The following TRIM37 variants were observed in gnomAD, a reference collection of about 807,000 sequenced individuals.
TRIM37 encodes the protein tripartite motif containing 37.
Under a neutral mutation model 129.8 loss-of-function variants are expected in TRIM37, and 80 were observed. The ratio of observed to expected loss-of-function variants is 0.62; its 90% confidence interval spans 0.51 to 0.74. The LOEUF (loss-of-function observed/expected upper bound fraction) is 0.74. Among genes scored for constraint, TRIM37 ranks in the 30% least tolerant of loss-of-function variants. TRIM37 has a pLI of 0.00. For missense variants in TRIM37, 1,054 were observed against 1,176.5 expected (o/e 0.90, Z 1.52); for synonymous variants, 389 against 387.1 (o/e 1.00, Z -0.06).
intron 22 of TRIM37, among the ~76,000 whole-genome samples, chr17:59,008,568 A>G (rs770297315): frequency 6.6e-6 from 1 of 152,156 alleles, no homozygotes; most frequent in African/African-American, 2.4e-5. Flanking sequence ...ATTAGTGCTG[A>G]GATAATGTAA....
chr17:59,028,202 T>C (rs1324056776), intron 19 of TRIM37, among the ~76,000 whole-genome samples: 4 of 152,218 alleles, frequency 2.6e-5, no homozygotes, highest in Non-Finnish European at 4.4e-5. Flanking sequence ...GTCTTGTTTA[T>C]TGCCAAATAC....
intron 2 of TRIM37, among the ~76,000 whole-genome samples, chr17:59,098,547 C>G (rs944571631): frequency 1.3e-5 from 2 of 151,810 alleles, no homozygotes; most frequent in Admixed American, 1.3e-4. Context: ...CACTTGTGGT[C>G]CCAGCTACTC....
chr17:58,993,723 A>G (rs1209081895), downstream of TRIM37, among the ~76,000 whole-genome samples: 1 of 152,144 alleles, frequency 6.6e-6, no homozygotes. Context: ...CGGATACAAG[A>G]CATTTGTTGA....
chr17:58,982,888 C>CAG, exon 25 of TRIM37: 1 of 1,569,916 alleles, frequency 6.4e-7, no homozygotes, highest in Non-Finnish European at 8.7e-7. Flanking sequence ...CTTGTTAACC[C>CAG]ATCAGGTGCA....
intron 19 of TRIM37, among the ~76,000 whole-genome samples, chr17:59,024,735 T>A (rs749634497): frequency 2.0e-5 from 3 of 152,228 alleles, no homozygotes; most frequent in Non-Finnish European, 2.9e-5. Context: ...TCTTGCCATA[T>A]GATGTTGAAC....
At chr17:58,969,816 C>T in the TRIM37 span, 2 of 1,245,196 alleles carry the variant, frequency 1.6e-6, no homozygotes, top group Non-Finnish European at 1.1e-6. Flanking sequence ...TAGATTTTCT[C>T]TTTCTGGGCA....
At position 59,061,031 on chromosome 17, in the gene TRIM37, C is replaced by A; in HGVS notation, c.1019+1G>T. ...GGTTGTTATTTAATTACACTTCTTA[C>A]TTAGAAGTTTCAGGCAAGCCAGCTG... On this transcript the variant is annotated splice_donor_variant, in intron 12 of 23. Transcript: ENST00000262294. LOFTEE classifies it high-confidence loss of function. 6.2e-7 allele frequency: 1 copy of A among 1,610,404 alleles called. No homozygotes were observed. The highest frequency in any genetic ancestry group is 8.5e-7 in the Non-Finnish European group (1 of 1,176,920).
At chr17:58,985,798 T>C (rs1299906130) in intron 24 of TRIM37, among the ~76,000 whole-genome samples, 3 of 152,156 alleles carry the variant, frequency 2.0e-5, no homozygotes. Flanking sequence ...GTTTCAAAAA[T>C]CTTCAACTCC....
At chr17:59,005,597 T>C (rs992153052) in intron 22 of TRIM37, among the ~76,000 whole-genome samples, 2 of 152,192 alleles carry the variant, frequency 1.3e-5, no homozygotes, top group African/African-American at 2.4e-5. Context: ...TGTGTATCTT[T>C]AAAACAAATC....
At chr17:58,967,515 T>C in the TRIM37 span, among the ~76,000 whole-genome samples, 1 of 149,018 alleles carries the variant, frequency 6.7e-6, no homozygotes, top group Non-Finnish European at 1.5e-5. Context: ...TATATATATA[T>C]ATATAGAGAG....
At chr17:59,070,696 T>C in intron 9 of TRIM37, 127 bp downstream of exon 9, 4 of 1,078,844 alleles carry the variant, frequency 3.7e-6, no homozygotes, top group Non-Finnish European at 5.3e-6. Context: ...GGGCAACAAG[T>C]GAGACCCTAT....
chr17:59,015,934 G>C, intron 20 of TRIM37, 135 bp from the exon 21 acceptor site: 1 of 737,328 alleles, frequency 1.4e-6, no homozygotes. Context: ...AGCTGAGATT[G>C]TGCTACACTC....
At chr17:59,069,117 C>A (rs1370961048) in intron 9 of TRIM37, among the ~76,000 whole-genome samples, 1 of 152,108 alleles carries the variant, frequency 6.6e-6, no homozygotes, top group African/African-American at 2.4e-5. Flanking sequence ...GAGGTCGAGG[C>A]AGGCAAATCA....
At chr17:59,022,597 ACTTAC>A (rs1484671934) in intron 19 of TRIM37, among the ~76,000 whole-genome samples, 1 of 152,226 alleles carries the variant, frequency 6.6e-6, no homozygotes, top group African/African-American at 2.4e-5. Context: ...AATGAAATTG[ACTTAC>A]CTTACCTCTT....
chr17:59,037,354 C>G (rs560280166), intron 17 of TRIM37, among the ~76,000 whole-genome samples: 3 of 151,578 alleles, frequency 2.0e-5, no homozygotes, highest in East Asian at 2.0e-4. Flanking sequence ...ATCAGGAGAT[C>G]GAGACCATCC....
At chr17:59,025,069 C>T (rs574960882) in intron 19 of TRIM37, among the ~76,000 whole-genome samples, 4 of 152,186 alleles carry the variant, frequency 2.6e-5, no homozygotes, top group African/African-American at 4.8e-5. Context: ...TGAGTACTGG[C>T]AATTTCAGTT....
rs187845829 is a variant in TRIM37 at position 59,106,858 on chromosome 17, G to A, written c.-397C>T. 156 of 338,402 alleles carry A rather than the reference G, an allele frequency of 4.6e-4. No individual in the cohort carries two copies. Among genetic ancestry groups the A allele is most frequent in the African/African-American group, 3.3e-3 (147 of 45,026 alleles). 21.0% of individuals were successfully genotyped at this position (338,402 alleles called of 1,614,324 possible). A position where few individuals can be genotyped will look rare whatever the true frequency, so the allele number is the denominator to read the frequency against. On this transcript the variant is annotated 5_prime_UTR_variant, in exon 1 of 24. Coordinates refer to ENST00000262294, the MANE Select transcript of TRIM37 (RefSeq NM_015294.6). ...ACCAACCGTAACCAGAGCAGCTGGG[G>A]GCGCGGCGGCGAGAGAAGCTGCGAA...
chr17:59,005,284 T>C (rs551756577), intron 22 of TRIM37, among the ~76,000 whole-genome samples: 5 of 152,158 alleles, frequency 3.3e-5, no homozygotes, highest in Admixed American at 6.5e-5. Context: ...ATTCATTACA[T>C]GTGTATCTTT....
intron 8 of TRIM37, among the ~76,000 whole-genome samples, chr17:59,073,786 A>C (rs2042584225): frequency 6.6e-6 from 1 of 152,194 alleles, no homozygotes; most frequent in Non-Finnish European, 1.5e-5. Flanking sequence ...AACTAAGACA[A>C]TGGCCTAGGC....
Sources: gnomAD v4.1 joint callset for allele counts (sites outside exome capture counted in the v4.1 genomes callset) on GRCh38, gnomAD v4.1.1 for gene constraint, MANE v1.5 for transcripts, NCBI Gene and HGNC (gene_info 2026-07-23, HGNC 2026-07-21) for gene names.